PLXNA4: variants seen among roughly 807,000 people sequenced by gnomAD.
PLXNA4 encodes plexin A4, also known as plexin-A4.
A neutral mutation model predicts 191.8 loss-of-function variants in PLXNA4; 44 were observed. The ratio of observed to expected loss-of-function variants is 0.23; its 90% CI spans 0.18 to 0.29. PLXNA4 has a LOEUF of 0.29. Ranked by LOEUF, PLXNA4 falls within the 10% of genes least tolerant of loss-of-function variation. PLXNA4 has a pLI of 1.00. For missense variants in PLXNA4, 1,800 were observed against 2,488.8 expected (o/e 0.72, Z 5.89); for synonymous variants, 1,082 against 1,009.5 (o/e 1.07, Z -1.36).
intron 1 of PLXNA4, among the ~76,000 whole-genome samples, chr7:132,534,208 A>G (rs1200248263): frequency 6.6e-6 from 1 of 152,144 alleles, no homozygotes; most frequent in Non-Finnish European, 1.5e-5. Context: ...GAGAGGATAC[A>G]AGACTACTTG....
intron 4 of PLXNA4, among the ~76,000 whole-genome samples, chr7:132,279,318 A>G (rs1738135782): frequency 6.6e-6 from 1 of 152,156 alleles, no homozygotes; most frequent in Non-Finnish European, 1.5e-5. Flanking sequence ...ACATAGTGAC[A>G]GGTTGGAAAG....
intron 3 of PLXNA4, among the ~76,000 whole-genome samples, chr7:132,325,385 G>A (rs1198104724): frequency 6.6e-6 from 1 of 152,194 alleles, no homozygotes; most frequent in African/African-American, 2.4e-5. Context: ...GGGCATCTCA[G>A]AAAAACAGTT....
At chr7:132,132,380 TTGTTC>T (rs1156315109) in intron 31 of PLXNA4, among the ~76,000 whole-genome samples, 1,557 of 128,840 alleles carry the variant, frequency 0.012, 42 homozygotes, top group Non-Finnish European at 0.018. Context: ...CACATTCTAT[TTGTTC>T]TGTTCTGTTC....
At chr7:132,236,147 G>C (rs1408490348) in intron 5 of PLXNA4, among the ~76,000 whole-genome samples, 1 of 152,130 alleles carries the variant, frequency 6.6e-6, no homozygotes, top group African/African-American at 2.4e-5. Flanking sequence ...AGCATGTTTT[G>C]TGCAACCCAC....
intron 2 of PLXNA4, among the ~76,000 whole-genome samples, chr7:132,633,948 C>T (rs755900660): frequency 6.6e-6 from 1 of 151,984 alleles, no homozygotes; most frequent in Non-Finnish European, 1.5e-5. Context: ...CACACACACG[C>T]ACATGCACCA....
chr7:132,388,851 AT>A (rs1805273832), intron 3 of PLXNA4, among the ~76,000 whole-genome samples: 1 of 152,194 alleles, frequency 6.6e-6, no homozygotes, highest in Non-Finnish European at 1.5e-5. Context: ...ATTAGCCTTC[AT>A]TATTCTATTC....
chr7:132,564,653 A>G (rs1801630640), intron 1 of PLXNA4, among the ~76,000 whole-genome samples: 1 of 152,236 alleles, frequency 6.6e-6, no homozygotes. Context: ...GGCACTCAAT[A>G]AATATTGCTT....
intron 3 of PLXNA4, among the ~76,000 whole-genome samples, chr7:132,480,130 A>G (rs1167260899): frequency 6.6e-6 from 1 of 152,240 alleles, no homozygotes; most frequent in Non-Finnish European, 1.5e-5. Flanking sequence ...CATCCTGAGC[A>G]AATTAATTGG....
At chr7:132,198,728 A>C in intron 12 of PLXNA4, 92 bp from the exon 13 acceptor site, 188 of 1,538,838 alleles carry the variant, frequency 1.2e-4, no homozygotes, top group Non-Finnish European at 1.5e-4. Context: ...CTCTTGTCTC[A>C]TCTGCCCCAG....
At chr7:132,151,719 C>A (rs1795651210) in intron 25 of PLXNA4, among the ~76,000 whole-genome samples, 1 of 152,060 alleles carries the variant, frequency 6.6e-6, no homozygotes, top group Non-Finnish European at 1.5e-5. Flanking sequence ...TGAAAGAGAG[C>A]CCAGACTGAC....
intron 2 of PLXNA4, among the ~76,000 whole-genome samples, chr7:132,494,127 A>G (rs1435320721): frequency 6.6e-6 from 1 of 152,180 alleles, no homozygotes; most frequent in Non-Finnish European, 1.5e-5. Flanking sequence ...TCTTTGAGGA[A>G]ATTCATGGTA....
intron 3 of PLXNA4, among the ~76,000 whole-genome samples, chr7:132,359,541 G>A (rs1218501799): frequency 1.3e-5 from 2 of 152,050 alleles, no homozygotes; most frequent in East Asian, 3.9e-4. Flanking sequence ...TACCTGTTCT[G>A]TTCACTTCAT....
intron 4 of PLXNA4, among the ~76,000 whole-genome samples, chr7:132,290,188 A>T (rs1053679582): frequency 6.6e-6 from 1 of 152,240 alleles, no homozygotes. Context: ...AGGACACCAT[A>T]AAAGATGGCT....
chr7:132,307,280 C>T (rs1408259334), intron 3 of PLXNA4, among the ~76,000 whole-genome samples: 2 of 152,162 alleles, frequency 1.3e-5, no homozygotes, highest in South Asian at 2.1e-4. Flanking sequence ...ATCCCCTCTC[C>T]CCATTCTGCT....
intron 4 of PLXNA4, among the ~76,000 whole-genome samples, chr7:132,261,722 A>G (rs1483409639): frequency 1.3e-5 from 2 of 152,192 alleles, no homozygotes; most frequent in African/African-American, 4.8e-5. Context: ...CCACTAAAAG[A>G]AACAGTTCCA....
chr7:132,435,851 A>G (rs1795451439), intron 3 of PLXNA4, among the ~76,000 whole-genome samples: 1 of 152,184 alleles, frequency 6.6e-6, no homozygotes, highest in South Asian at 2.1e-4. Flanking sequence ...TTTGTAGTCC[A>G]AGGATAACCC....
Position 132,489,411 on chromosome 7 carries a change from T to C in PLXNA4, c.1252A>G (p.Met418Val). The change falls in exon 3 of 32, where the codon ATG (methionine) becomes GTG (valine). Residue 418 changes from methionine to valine, a missense_variant. This residue lies in a region of PLXNA4 where 1,397 missense variants were observed against 1,880.4 expected (regional missense o/e 0.74). Transcript: ENST00000321063. ...DMNAPLGVSD[M>V]VRGIPVFTED... Reference sequence around the variant, plus strand: ...GTGAAGACGGGAATTCCACGCACCATGTCGGACACTCCCAGGGGAGCATTC... The same window carrying C: ...GTGAAGACGGGAATTCCACGCACCACGTCGGACACTCCCAGGGGAGCATTC... The C allele has an allele frequency of 6.2e-7, 1 of 1,604,278 alleles. No individual in the cohort carries two copies. Among genetic ancestry groups the C allele is most frequent in the Non-Finnish European group, 8.5e-7 (1 of 1,171,704 alleles).
In PLXNA4 at chr7:132,132,470, C is replaced by CTA. The variant is rs1240572769; in HGVS notation, c.5589+578_5589+579insTA. On this transcript the variant is annotated intron_variant, in intron 31 of 31. Transcript: ENST00000321063. ...CTGTTCTGTTCTGTTCTGTTCTGCTCTGCTCTGCTCTGCTCTGCTCTATTC... is the reference window on the plus strand; with the variant it reads ...CTGTTCTGTTCTGTTCTGTTCTGCTCTATGCTCTGCTCTGCTCTGCTCTATTC... Among the ~76,000 whole-genome samples the CTA allele has an allele frequency of 7.8e-3, 471 of 60,036 alleles. 10 individuals carry two copies. Among genetic ancestry groups the CTA allele is most frequent in the Non-Finnish European group, 9.2e-3 (286 of 30,982 alleles). The allele number at this position is 60,036 out of a possible 152,430, so 39.4% of individuals were successfully genotyped here.
chr7:132,143,868 T>C (rs1472764698), intron 29 of PLXNA4, among the ~76,000 whole-genome samples: 1 of 152,216 alleles, frequency 6.6e-6, no homozygotes, highest in Non-Finnish European at 1.5e-5. Context: ...GGAGTTAATA[T>C]GGGAGCAAAC....
Sources: allele counts gnomAD v4.1 joint callset (sites outside exome capture counted in the v4.1 genomes callset), GRCh38; gene constraint gnomAD v4.1.1; regional missense constraint gnomAD v4.1.1; transcripts MANE v1.5; gene names NCBI Gene and HGNC (gene_info 2026-07-23, HGNC 2026-07-21).